Variants in COL5A2 observed in about 807,000 individuals in gnomAD.
COL5A2 encodes the protein collagen type V alpha 2 chain.
In COL5A2, 23 loss-of-function variants were observed where a neutral mutation model predicts 208.2. The ratio of observed to expected loss-of-function variants is 0.11; its 90% CI spans 0.08 to 0.16. The LOEUF is 0.16. Ranked by LOEUF, COL5A2 falls within the 10% of genes least tolerant of loss-of-function variation. COL5A2 has a pLI of 1.00. For synonymous variants in COL5A2, 625 were observed against 628.5 expected, an observed-to-expected ratio of 0.99 and a Z score of 0.08; for missense variants, 1,590 against 1,956.4, an observed-to-expected ratio of 0.81 and a Z score of 3.53.
chr2:189,127,123 T>G (rs372234970), intron 1 of COL5A2, among the ~76,000 whole-genome samples: 2 of 152,042 alleles, frequency 1.3e-5, no homozygotes, highest in African/African-American at 4.8e-5. Flanking sequence ...AACTGAGAAT[T>G]GAGAAAGAAG....
chr2:189,157,978 G>A (rs1248321150), intron 1 of COL5A2, among the ~76,000 whole-genome samples: 1 of 151,854 alleles, frequency 6.6e-6, no homozygotes, highest in Non-Finnish European at 1.5e-5. Context: ...CTTCAATGAA[G>A]GTAGAGACTG....
At chr2:189,255,762 T>A in the COL5A2 span, among the ~76,000 whole-genome samples, 1 of 152,074 alleles carries the variant, frequency 6.6e-6, no homozygotes. Flanking sequence ...TAAAATGGAA[T>A]AATGTAAGAA....
the COL5A2 span, among the ~76,000 whole-genome samples, chr2:189,438,822 G>GT: frequency 6.6e-6 from 1 of 152,112 alleles, no homozygotes; most frequent in Non-Finnish European, 1.5e-5. Flanking sequence ...TAGCCTAATC[G>GT]TTTCACTTTT....
chr2:189,222,731 C>T (rs1481030542), intron 1 of COL5A2, among the ~76,000 whole-genome samples: 1 of 152,158 alleles, frequency 6.6e-6, no homozygotes, highest in Non-Finnish European at 1.5e-5. Context: ...TGCCTGCTTT[C>T]CTCCTCAGAA....
At chr2:189,375,312 CA>C in the COL5A2 span, among the ~76,000 whole-genome samples, 1 of 152,180 alleles carries the variant, frequency 6.6e-6, no homozygotes, top group South Asian at 2.1e-4. Context: ...TCACCACACC[CA>C]GCCTATATTT....
At chr2:189,407,685 C>CATTTTAATGGAAAT in the COL5A2 span, among the ~76,000 whole-genome samples, 1 of 152,038 alleles carries the variant, frequency 6.6e-6, no homozygotes, top group East Asian at 1.9e-4. Context: ...ATCACCTACC[C>CATTTTAATGGAAAT]AGAGACATAA....
chr2:189,228,756 T>G (rs551196767), upstream of COL5A2, among the ~76,000 whole-genome samples: 1 of 151,992 alleles, frequency 6.6e-6, no homozygotes, highest in East Asian at 1.9e-4. Flanking sequence ...GTGGCAATTC[T>G]TTGCAAACTC....
chr2:189,066,582 A>G lies in COL5A2; in HGVS notation c.1456-85T>C, dbSNP rs1424126703. 6.2e-6 allele frequency: 9 copies of G among 1,445,186 alleles called. No individual in the cohort carries two copies. In the East Asian group the frequency reaches 1.4e-4, roughly 22 times the overall value. 89.5% of individuals were successfully genotyped at this position (1,445,186 alleles called of 1,614,324 possible). On this transcript the variant is annotated intron_variant, in intron 22 of 53. Transcript: ENST00000374866. ...GAAGCCTAATTTAACGAAGTCAGTC[A>G]CAAATTTTAAAGTATATGGAACAAT...
At chr2:189,078,632 C>T in intron 15 of COL5A2, 63 bp from the exon 16 acceptor site, 1 of 1,245,906 alleles carries the variant, frequency 8.0e-7, no homozygotes, top group Non-Finnish European at 1.2e-6. Context: ...AGTAGTCTGA[C>T]TACCCCACTC....
chr2:189,169,076 C>T (rs754915296), intron 1 of COL5A2, among the ~76,000 whole-genome samples: 3 of 152,150 alleles, frequency 2.0e-5, no homozygotes, highest in Non-Finnish European at 4.4e-5. Flanking sequence ...CTACTGTATC[C>T]GAATAGTCCT....
intron 1 of COL5A2, among the ~76,000 whole-genome samples, chr2:189,132,335 C>G (rs1374902072): frequency 1.3e-5 from 2 of 152,124 alleles, no homozygotes; most frequent in African/African-American, 2.4e-5. Flanking sequence ...GGTTACAAAC[C>G]TGATTTTACG....
chr2:189,285,855 C>T, the COL5A2 span, among the ~76,000 whole-genome samples: 1 of 152,056 alleles, frequency 6.6e-6, no homozygotes, highest in African/African-American at 2.4e-5. Flanking sequence ...AACCATGAAG[C>T]AAATGAGTGG....
intron 1 of COL5A2, among the ~76,000 whole-genome samples, chr2:189,163,085 A>G (rs994986959): frequency 3.9e-5 from 6 of 152,220 alleles, no homozygotes; most frequent in African/African-American, 1.4e-4. Flanking sequence ...TCTACTCCTC[A>G]GGTAAAAGCC....
At chr2:189,047,598 C>G (rs1201627768) in intron 45 of COL5A2, among the ~76,000 whole-genome samples, 2 of 152,166 alleles carry the variant, frequency 1.3e-5, no homozygotes, top group Non-Finnish European at 2.9e-5. Flanking sequence ...TCAAGTCTGA[C>G]TGGCTCCAAA....
rs1331235827 is a variant in COL5A2, at chr2:189,072,020, T to C, written c.1158+20A>G. 3.3e-6 allele frequency: 5 copies of C among 1,514,726 alleles called. No homozygotes were observed. The highest frequency in any genetic ancestry group is 1.1e-5 in the South Asian group (1 of 86,974). 93.8% of individuals were successfully genotyped at this position (1,514,726 alleles called of 1,614,324 possible). ...TAATCATGTAGCGTTAAATACTGTA[T>C]ATTAACATTAACATCTTACCTTCAT... is the stretch of plus-strand genomic sequence containing the variant. On this transcript the variant is annotated intron_variant, in intron 18 of 53. Coordinates refer to ENST00000374866, the MANE Select transcript of COL5A2 (RefSeq NM_000393.5).
the COL5A2 span, among the ~76,000 whole-genome samples, chr2:189,419,344 T>G: frequency 2.6e-5 from 4 of 152,180 alleles, no homozygotes; most frequent in Non-Finnish European, 5.9e-5. Context: ...AAGTCACTAA[T>G]GCAGGAAAGA....
chr2:189,310,647 CACA>C, the COL5A2 span, among the ~76,000 whole-genome samples: 3 of 151,916 alleles, frequency 2.0e-5, no homozygotes, highest in African/African-American at 7.3e-5. Flanking sequence ...CAGCACTGTT[CACA>C]ACAAGATTTG....
At chr2:189,086,203 A>C (rs1267546132) in intron 9 of COL5A2, among the ~76,000 whole-genome samples, 2 of 152,142 alleles carry the variant, frequency 1.3e-5, no homozygotes, top group Admixed American at 6.6e-5. Context: ...TTCTTTTAAA[A>C]TATTATTTCC....
the COL5A2 span, among the ~76,000 whole-genome samples, chr2:189,287,541 T>A: frequency 6.6e-6 from 1 of 152,170 alleles, no homozygotes. Context: ...AAGATGTCTA[T>A]CACTTCCTTT....
Sources: gnomAD v4.1 joint callset for allele counts (sites outside exome capture counted in the v4.1 genomes callset) on GRCh38, gnomAD v4.1.1 for gene constraint, MANE v1.5 for transcripts, NCBI Gene and HGNC (gene_info 2026-07-23, HGNC 2026-07-21) for gene names.